The following CLXN variants were observed in gnomAD, a reference collection of about 807,000 sequenced individuals.
CLXN encodes calaxin, also known as EF-hand calcium binding domain 1.
At chr8:48,735,158 C>T in the CLXN span, 2 of 1,613,908 alleles carry the variant, frequency 1.2e-6, no homozygotes, top group Non-Finnish European at 1.7e-6. Flanking sequence ...TCATGTCTGG[C>T]GCTCAGAGAA....
At chr8:48,734,528 T>C in the CLXN span, 6 of 152,184 alleles carry the variant, frequency 3.9e-5, no homozygotes, top group African/African-American at 1.4e-4. Context: ...GGGAACCCAT[T>C]CTTTACCACG....
chr8:48,726,475 TC>T, the CLXN span, among the ~76,000 whole-genome samples: 1 of 131,940 alleles, frequency 7.6e-6, no homozygotes, highest in Non-Finnish European at 1.6e-5. Flanking sequence ...ATCCATCTCA[TC>T]CATCCATTCA....
chr8:48,733,680 A>ACAATGAG, the CLXN span, among the ~76,000 whole-genome samples: 1 of 152,168 alleles, frequency 6.6e-6, no homozygotes, highest in Non-Finnish European at 1.5e-5. Flanking sequence ...CTCATTGAAA[A>ACAATGAG]TTTTTTAGTA....
At chr8:48,730,502 C>A in the CLXN span, 1 of 1,366,044 alleles carries the variant, frequency 7.3e-7, no homozygotes, top group South Asian at 1.2e-5. Flanking sequence ...ATATGTTATT[C>A]ATAATGTACG....
At chr8:48,735,071 T>C in the CLXN span, 3 of 1,613,954 alleles carry the variant, frequency 1.9e-6, no homozygotes, top group African/African-American at 4.0e-5. Context: ...CCTCGGCCTG[T>C]CCAGCACTAC....
At chr8:48,719,042 C>G in the CLXN span, among the ~76,000 whole-genome samples, 2 of 150,780 alleles carry the variant, frequency 1.3e-5, no homozygotes, top group Admixed American at 6.6e-5. Context: ...TGACAAACAC[C>G]CGGTCAGACT....
At chr8:48,729,680 C>A in the CLXN span, 1 of 1,553,982 alleles carries the variant, frequency 6.4e-7, no homozygotes, top group Non-Finnish European at 8.7e-7. Flanking sequence ...ATATCTGGCC[C>A]ACAAATTTTA....
At chr8:48,721,426 A>G in the CLXN span, among the ~76,000 whole-genome samples, 2 of 152,224 alleles carry the variant, frequency 1.3e-5, no homozygotes, top group South Asian at 4.1e-4. Context: ...CAAAATCCCA[A>G]TGGCATTCTT....
At chr8:48,722,723 A>T in the CLXN span, among the ~76,000 whole-genome samples, 7 of 151,682 alleles carry the variant, frequency 4.6e-5, no homozygotes, top group Non-Finnish European at 8.8e-5. Context: ...ATTTCACCCC[A>T]TGCCACTGCC....
At chr8:48,724,067 C>T in the CLXN span, 3 of 152,272 alleles carry the variant, frequency 2.0e-5, no homozygotes, top group African/African-American at 7.2e-5. Context: ...GTCCAATCTA[C>T]AGTAATTATG....
the CLXN span, among the ~76,000 whole-genome samples, chr8:48,719,211 C>A: frequency 1.3e-5 from 2 of 152,008 alleles, no homozygotes; most frequent in Non-Finnish European, 2.9e-5. Flanking sequence ...ACCTACCAAA[C>A]TGAATTAGGA....
the CLXN span, chr8:48,735,011 G>A: frequency 1.3e-6 from 2 of 1,505,454 alleles, no homozygotes; most frequent in African/African-American, 2.8e-5. Flanking sequence ...CGGGAAGCAG[G>A]CACAACAGCG....
At chr8:48,729,001 A>G in the CLXN span, 7 of 1,487,236 alleles carry the variant, frequency 4.7e-6, no homozygotes, top group Non-Finnish European at 6.5e-6. Flanking sequence ...GTTGTTCTAC[A>G]TTCTACTTTG....
chr8:48,730,896 A>C, the CLXN span, among the ~76,000 whole-genome samples: 1 of 152,266 alleles, frequency 6.6e-6, no homozygotes, highest in South Asian at 2.1e-4. Context: ...TCATTATTTA[A>C]TAATAAATAT....
the CLXN span, among the ~76,000 whole-genome samples, chr8:48,725,956 C>T: frequency 6.6e-6 from 1 of 151,878 alleles, no homozygotes. Flanking sequence ...ATCCAGAGCT[C>T]CCCATCAGGC....
chr8:48,718,618 G>T, the CLXN span, among the ~76,000 whole-genome samples: 1 of 152,056 alleles, frequency 6.6e-6, no homozygotes, highest in East Asian at 1.9e-4. Flanking sequence ...TTTTCCAACA[G>T]TAACAGAATG....
chr8:48,726,692 C>T, the CLXN span, among the ~76,000 whole-genome samples: 1 of 146,538 alleles, frequency 6.8e-6, no homozygotes, highest in African/African-American at 2.5e-5. Context: ...TCCATCCACC[C>T]ATCCATCTAC....
chr8:48,719,234 C>G, the CLXN span, among the ~76,000 whole-genome samples: 730 of 152,182 alleles, frequency 4.8e-3, 3 homozygotes, highest in South Asian at 9.6e-3. Context: ...AAACAGAAAG[C>G]CTGAACAGGC....
chr8:48,732,013 A>G, the CLXN span, among the ~76,000 whole-genome samples: 1 of 152,174 alleles, frequency 6.6e-6, no homozygotes, highest in African/African-American at 2.4e-5. Flanking sequence ...AAAGCTTTAA[A>G]GCATATTTTA....
Sources: allele counts gnomAD v4.1 joint callset (sites outside exome capture counted in the v4.1 genomes callset), GRCh38; gene constraint gnomAD v4.1.1; transcripts MANE v1.5; gene names NCBI Gene and HGNC (gene_info 2026-07-23, HGNC 2026-07-21).